ZNF91: variants seen among roughly 807,000 people sequenced by gnomAD.
The protein encoded by ZNF91 is zinc finger protein 91 (HPF7, HTF10).
A neutral mutation model predicts 12.6 loss-of-function variants in ZNF91; 7 were observed. The ratio of observed to expected loss-of-function variants is 0.55; its 90% CI spans 0.31 to 1.04. The LOEUF (loss-of-function observed/expected upper bound fraction) is 1.04. Among genes scored for constraint, ZNF91 ranks in the 50% least tolerant of loss-of-function variants. The probability of loss-of-function intolerance (pLI) is 0.05; values close to 1 mark genes in which losing one functional copy is unlikely to be tolerated. For synonymous variants in ZNF91, 453 were observed against 462.6 expected, an observed-to-expected ratio of 0.98 and a Z score of 0.27; for missense variants, 1,217 against 1,385.4, an observed-to-expected ratio of 0.88 and a Z score of 1.93.
In ZNF91 at chr19:23,362,312, A is replaced by T; in HGVS notation, c.667T>A (p.Ser223Thr). The T allele has an allele frequency of 2.5e-6, 4 of 1,613,756 alleles. No individual in the cohort carries two copies. Among genetic ancestry groups the T allele is most frequent in the Non-Finnish European group, 3.4e-6 (4 of 1,179,878 alleles). ...KECEKTFHWS[S>T]TLTNHKEIHT... ...ATTTCCTTATGATTAGTAAGGGTTG[A>T]GGACCAATGAAAGGTTTTTTCACAT... is the stretch of plus-strand genomic sequence containing the variant. The change falls in exon 4 of 4, where the codon TCA (serine) becomes ACA (threonine). Residue 223 changes from serine to threonine, a missense_variant. By Grantham distance (58) the Ser-to-Thr change is moderately conservative. This residue lies in a region of ZNF91 where 726 missense variants were observed against 895.5 expected (regional missense o/e 0.81). Coordinates refer to ENST00000300619, the MANE Select transcript of ZNF91 (RefSeq NM_003430.4).
At chr19:23,370,229 A>C (rs1403182190) in intron 3 of ZNF91, among the ~76,000 whole-genome samples, 2 of 152,128 alleles carry the variant, frequency 1.3e-5, no homozygotes, top group African/African-American at 4.8e-5. Context: ...CTTAAAAAAA[A>C]ACACAAAAAA....
downstream of ZNF91, among the ~76,000 whole-genome samples, chr19:23,354,532 T>G (rs1054580585): frequency 6.6e-6 from 1 of 152,148 alleles, no homozygotes; most frequent in Non-Finnish European, 1.5e-5. Context: ...TAGAAAAAAG[T>G]TGAAAGCATT....
rs753521677 is a variant in ZNF91, at chr19:23,395,318, G to A, written c.30+7C>T. 2.5e-6 allele frequency: 4 copies of A among 1,613,740 alleles called. No individual in the cohort carries two copies. The highest frequency in any genetic ancestry group is 1.7e-5 in the Admixed American group (1 of 59,914). ...CTCTCTCGGGACGTCGCACCTGGCA[G>A]TCTCACCATTTCTAGGCTTCCAGGG... On this transcript the variant is annotated splice_region_variant and intron_variant, in intron 1 of 3. Coordinates refer to ENST00000300619, the MANE Select transcript of ZNF91 (RefSeq NM_003430.4).
At chr19:23,378,230 T>G (rs960627028) in intron 1 of ZNF91, among the ~76,000 whole-genome samples, 3 of 152,176 alleles carry the variant, frequency 2.0e-5, no homozygotes, top group Non-Finnish European at 4.4e-5. Flanking sequence ...CAGAAAAGTG[T>G]GAGCACCAAC....
intron 1 of ZNF91, chr19:23,324,159 ATTCTT>A (rs1279528113): frequency 7.4e-6 from 1 of 135,116 alleles, no homozygotes; most frequent in African/African-American, 2.9e-5. Flanking sequence ...TCTTTTCCTC[ATTCTT>A]TTCTTCTTCT....
chr19:23,351,092 G>A (rs1220719429), intron 3 of ZNF91, among the ~76,000 whole-genome samples: 3 of 152,118 alleles, frequency 2.0e-5, no homozygotes, highest in Admixed American at 6.5e-5. Flanking sequence ...TTGGGAGGCC[G>A]AGGTGGACGG....
At chr19:23,384,741 G>GAAAGCAC (rs913823370) in intron 1 of ZNF91, 188 of 619,540 alleles carry the variant, frequency 3.0e-4, no homozygotes, top group Non-Finnish European at 4.9e-4. Context: ...GAAACTAGGA[G>GAAAGCAC]AAAGCACACC....
chr19:23,349,827 T>C (rs1968320290), intron 3 of ZNF91, among the ~76,000 whole-genome samples: 1 of 152,064 alleles, frequency 6.6e-6, no homozygotes, highest in East Asian at 1.9e-4. Context: ...GTAATAATAA[T>C]TTAAAACAAA....
At chr19:23,356,293 G>A (rs921379469), downstream of ZNF91, among the ~76,000 whole-genome samples, 7 of 151,908 alleles carry the variant, frequency 4.6e-5, no homozygotes, top group Non-Finnish European at 1.0e-4. Flanking sequence ...TAACGCGTGG[G>A]TAAAGAATCT....
chr19:23,334,740 T>C (rs952859390), downstream of ZNF91, among the ~76,000 whole-genome samples: 4 of 152,298 alleles, frequency 2.6e-5, no homozygotes, highest in South Asian at 2.1e-4. Flanking sequence ...AATGGAGATA[T>C]ATGTAAAATA....
downstream of ZNF91, among the ~76,000 whole-genome samples, chr19:23,355,814 AC>A (rs1287861308): frequency 1.3e-5 from 2 of 152,354 alleles, no homozygotes; most frequent in South Asian, 2.1e-4. Flanking sequence ...AAGGAAAAAA[AC>A]AATCGCATCA....
At chr19:23,335,235 A>T (rs1262001594), downstream of ZNF91, among the ~76,000 whole-genome samples, 1 of 152,206 alleles carries the variant, frequency 6.6e-6, no homozygotes, top group Non-Finnish European at 1.5e-5. Flanking sequence ...GTTGGCCCCT[A>T]CAGGGAGTTG....
chr19:23,320,297 C>A (rs564653872), intron 1 of ZNF91, among the ~76,000 whole-genome samples: 2 of 152,298 alleles, frequency 1.3e-5, no homozygotes, highest in African/African-American at 2.4e-5. Context: ...CTGACACGTA[C>A]AATCATGGGC....
chr19:23,324,685 C>T (rs922583704), intron 1 of ZNF91: 21 of 151,996 alleles, frequency 1.4e-4, no homozygotes, highest in African/African-American at 5.1e-4. Context: ...TCAAGAGATC[C>T]TCTCACCTCA....
intron 3 of ZNF91, among the ~76,000 whole-genome samples, chr19:23,368,510 A>ATCTCTC (rs573590418): frequency 3.6e-4 from 34 of 94,270 alleles, no homozygotes; most frequent in South Asian, 5.3e-4. Context: ...GCGAAACTCC[A>ATCTCTC]TCTCTCTCTC....
At chr19:23,344,172 G>C (rs1968174665) in intron 3 of ZNF91, among the ~76,000 whole-genome samples, 1 of 152,076 alleles carries the variant, frequency 6.6e-6, no homozygotes, top group Non-Finnish European at 1.5e-5. Flanking sequence ...TTGGCTTACT[G>C]CAAGCTCCAC....
downstream of ZNF91, among the ~76,000 whole-genome samples, chr19:23,356,910 A>G (rs1968502277): frequency 6.6e-6 from 1 of 152,066 alleles, no homozygotes; most frequent in African/African-American, 2.4e-5. Flanking sequence ...TTTGACCAAC[A>G]TGGTGAAACC....
At chr19:23,373,375 TATATATATATAA>T (rs1372512047) in intron 3 of ZNF91, among the ~76,000 whole-genome samples, 383 of 77,572 alleles carry the variant, frequency 4.9e-3, no homozygotes, top group Non-Finnish European at 8.4e-3. Context: ...TATATATATA[TATATATATATAA>T]ATAAACAGTA....
At chr19:23,337,051 G>C (rs1968024507), downstream of ZNF91, among the ~76,000 whole-genome samples, 2 of 152,068 alleles carry the variant, frequency 1.3e-5, no homozygotes. Flanking sequence ...ATTGCATAGT[G>C]GTGAAGTCAG....
Sources: allele counts gnomAD v4.1 joint callset (sites outside exome capture counted in the v4.1 genomes callset), GRCh38; gene constraint gnomAD v4.1.1; regional missense constraint gnomAD v4.1.1; transcripts MANE v1.5; gene names NCBI Gene and HGNC (gene_info 2026-07-23, HGNC 2026-07-21).